Variants in PCDHA8 observed in about 807,000 individuals in gnomAD.
PCDHA8 encodes the protein protocadherin alpha 8, also known as protocadherin alpha-8.
A neutral mutation model predicts 61.8 loss-of-function variants in PCDHA8; 53 were observed. The observed-to-expected ratio is 0.86, with a 90% CI of 0.69 to 1.08. The LOEUF is 1.08. PCDHA8 is among the 50% of genes least tolerant of loss of function. The probability of loss-of-function intolerance (pLI) is 0.00; values close to 1 mark genes in which losing one functional copy is unlikely to be tolerated. For missense variants in PCDHA8, 1,293 were observed against 1,245.0 expected, an observed-to-expected ratio of 1.04 and a Z score of -0.58; for synonymous variants, 618 against 556.6, an observed-to-expected ratio of 1.11 and a Z score of -1.55.
At chr5:140,850,964 C>G (rs1554145138) in intron 1 of PCDHA8, 1 of 1,468,876 alleles carries the variant, frequency 6.8e-7, no homozygotes, top group African/African-American at 1.4e-5. Flanking sequence ...TCCCAGGGGC[C>G]GTTCAAATAG....
At chr5:140,876,042 AT>A in intron 1 of PCDHA8, 1 of 1,613,902 alleles carries the variant, frequency 6.2e-7, no homozygotes, top group Non-Finnish European at 8.5e-7. Flanking sequence ...ATAAAAGTAT[AT>A]TGCCTGAATT....
chr5:140,876,212 A>G lies in PCDHA8; in HGVS notation c.2394+32497A>G, dbSNP rs782252921. On this transcript the variant is annotated intron_variant, in intron 1 of 3. Coordinates refer to ENST00000531613, the MANE Select transcript of PCDHA8 (RefSeq NM_018911.3). Reference sequence around the variant, plus strand: ...GGTCCGGCGTTTGATAAGCCCAGCTATAAAGTAGTGTTGTCTGAAAATGTC... The same window carrying G: ...GGTCCGGCGTTTGATAAGCCCAGCTGTAAAGTAGTGTTGTCTGAAAATGTC... 5.6e-6 allele frequency: 9 copies of G among 1,613,994 alleles called. No individual in the cohort carries two copies. In the East Asian group the frequency reaches 2.0e-4, roughly 36 times the overall value.
chr5:140,901,546 T>C (rs2068734079), intron 1 of PCDHA8, among the ~76,000 whole-genome samples: 1 of 152,212 alleles, frequency 6.6e-6, no homozygotes, highest in Non-Finnish European at 1.5e-5. Flanking sequence ...TCTATTCTGT[T>C]CCATTCATCT....
chr5:140,898,674 C>G (rs1174441906), intron 1 of PCDHA8, among the ~76,000 whole-genome samples: 1 of 152,160 alleles, frequency 6.6e-6, no homozygotes, highest in Non-Finnish European at 1.5e-5. Context: ...GTGTTGCGGG[C>G]TGTTTTTTGG....
At chr5:141,005,113 G>A (rs2098197843) in intron 3 of PCDHA8, among the ~76,000 whole-genome samples, 1 of 152,184 alleles carries the variant, frequency 6.6e-6, no homozygotes, top group South Asian at 2.1e-4. Flanking sequence ...ATTGTCTTTA[G>A]GGACCCCAAA....
At chr5:140,999,947 G>A (rs993598998) in intron 3 of PCDHA8, among the ~76,000 whole-genome samples, 1 of 152,110 alleles carries the variant, frequency 6.6e-6, no homozygotes, top group Non-Finnish European at 1.5e-5. Flanking sequence ...CACCCAAAGA[G>A]GGTGAAATAC....
At chr5:140,870,890 T>A in intron 1 of PCDHA8, 2 of 1,613,954 alleles carry the variant, frequency 1.2e-6, no homozygotes, top group East Asian at 4.5e-5. Flanking sequence ...GTGCGCGCAG[T>A]GGATGCGGAC....
chr5:140,881,909 G>A (rs941994896), intron 1 of PCDHA8: 2 of 230,500 alleles, frequency 8.7e-6, no homozygotes, highest in Non-Finnish European at 1.7e-5. Context: ...AATATAAAAT[G>A]TTGAGCAGAA....
chr5:140,942,618 GT>G (rs1372135994), intron 1 of PCDHA8, among the ~76,000 whole-genome samples: 1 of 97,742 alleles, frequency 1.0e-5, no homozygotes, highest in African/African-American at 5.0e-5. Context: ...TTTGCCAATT[GT>G]AAAAAAAAAA....
chr5:140,929,307 C>A, intron 1 of PCDHA8: 1 of 1,570,164 alleles, frequency 6.4e-7, no homozygotes, highest in Non-Finnish European at 8.7e-7. Flanking sequence ...AAGGGGATCA[C>A]GCTAATGTCA....
At chr5:141,005,285 A>T (rs1285354488) in intron 3 of PCDHA8, among the ~76,000 whole-genome samples, 1 of 152,218 alleles carries the variant, frequency 6.6e-6, no homozygotes, top group Non-Finnish European at 1.5e-5. Context: ...ATAAACAGAT[A>T]CATTTTTTGC....
Position 140,843,645 on chromosome 5 carries a change from G to A in PCDHA8, c.2324G>A (p.Cys775Tyr). Residue 775 changes from cysteine (C) to tyrosine (Y), a missense_variant, in exon 1 of 4, where the codon TGC becomes TAC. Physicochemically the swap from Cys to Tyr is radical, Grantham distance 194. Coordinates refer to ENST00000531613, the MANE Select transcript of PCDHA8 (RefSeq NM_018911.3). Reference protein sequence around the residue: ...PKTDLMAFSPCLPPDLGSVDV... With the variant: ...PKTDLMAFSPYLPPDLGSVDV... Reference sequence around the variant, plus strand: ...ACGGACCTCATGGCCTTCAGCCCCTGCCTTCCTCCTGATCTGGGATCAGTT... The same window carrying A: ...ACGGACCTCATGGCCTTCAGCCCCTACCTTCCTCCTGATCTGGGATCAGTT... 1 of 1,595,642 alleles carries A rather than the reference G, an allele frequency of 6.3e-7. No individual in the cohort carries two copies.
chr5:140,919,301 A>G (rs1278715166), intron 1 of PCDHA8, among the ~76,000 whole-genome samples: 1 of 152,158 alleles, frequency 6.6e-6, no homozygotes, highest in African/African-American at 2.4e-5. Context: ...CTGTTTGTAC[A>G]ATATATGTTT....
At chr5:140,985,648 C>G (rs185772569) in intron 3 of PCDHA8, among the ~76,000 whole-genome samples, 17 of 152,092 alleles carry the variant, frequency 1.1e-4, no homozygotes, top group African/African-American at 4.1e-4. Flanking sequence ...CCAACACTTG[C>G]AATGGCTGAA....
At chr5:140,880,628 A>T (rs566696364) in intron 1 of PCDHA8, among the ~76,000 whole-genome samples, 46 of 152,352 alleles carry the variant, frequency 3.0e-4, no homozygotes, top group Non-Finnish European at 4.4e-5. Flanking sequence ...GGAGTTAATT[A>T]TCAATTCACT....
intron 1 of PCDHA8, among the ~76,000 whole-genome samples, chr5:140,872,690 T>C (rs1485284839): frequency 6.6e-6 from 1 of 152,210 alleles, no homozygotes; most frequent in Non-Finnish European, 1.5e-5. Context: ...ATGGCATGAT[T>C]TATGATTCCA....
At chr5:140,949,670 T>G (rs1218670800) in intron 1 of PCDHA8, among the ~76,000 whole-genome samples, 2 of 151,862 alleles carry the variant, frequency 1.3e-5, no homozygotes, top group African/African-American at 4.8e-5. Flanking sequence ...CTTTAAAGTA[T>G]GCCCTTGTTG....
At chr5:140,986,397 C>T (rs943993265) in intron 3 of PCDHA8, among the ~76,000 whole-genome samples, 8 of 152,280 alleles carry the variant, frequency 5.3e-5, no homozygotes, top group Admixed American at 3.9e-4. Flanking sequence ...AAGGGCCAGT[C>T]GCTCATGTTA....
intron 1 of PCDHA8, chr5:140,876,681 T>C: frequency 2.5e-6 from 4 of 1,614,180 alleles, no homozygotes; most frequent in South Asian, 1.1e-5. Flanking sequence ...CCTACAAGAA[T>C]TACTACTCGT....
Sources: gnomAD v4.1 joint callset for allele counts (sites outside exome capture counted in the v4.1 genomes callset) on GRCh38, gnomAD v4.1.1 for gene constraint, MANE v1.5 for transcripts, NCBI Gene and HGNC (gene_info 2026-07-23, HGNC 2026-07-21) for gene names.